The following CSTPP1 variants were observed in gnomAD, a reference collection of about 807,000 sequenced individuals.
CSTPP1 encodes the protein UPF0705 protein C11orf49.
At chr11:46,982,282 AG>A in the CSTPP1 span, among the ~76,000 whole-genome samples, 5 of 152,096 alleles carry the variant, frequency 3.3e-5, no homozygotes, top group African/African-American at 1.2e-4. Context: ...AACTCTGGCA[AG>A]GGGGGAAAAA....
At chr11:46,968,591 C>T in the CSTPP1 span, among the ~76,000 whole-genome samples, 1 of 151,276 alleles carries the variant, frequency 6.6e-6, no homozygotes, top group African/African-American at 2.4e-5. Flanking sequence ...TTGATCACCC[C>T]CCCGAACAAT....
At chr11:46,973,549 C>T in the CSTPP1 span, among the ~76,000 whole-genome samples, 1 of 152,188 alleles carries the variant, frequency 6.6e-6, no homozygotes, top group African/African-American at 2.4e-5. Context: ...AGAATCCATT[C>T]TTTACCTCAT....
chr11:47,025,769 G>C, the CSTPP1 span, among the ~76,000 whole-genome samples: 1 of 152,118 alleles, frequency 6.6e-6, no homozygotes, highest in Admixed American at 6.6e-5. Flanking sequence ...GAACCTAAAG[G>C]CTATAGCTGC....
At chr11:46,949,385 A>C in the CSTPP1 span, among the ~76,000 whole-genome samples, 2 of 152,194 alleles carry the variant, frequency 1.3e-5, no homozygotes, top group Admixed American at 6.5e-5. Context: ...GGCACGATAA[A>C]GAATAGTGAA....
chr11:46,956,575 C>T, the CSTPP1 span, among the ~76,000 whole-genome samples: 2 of 152,120 alleles, frequency 1.3e-5, no homozygotes, highest in African/African-American at 2.4e-5. Context: ...GTATTTGTCC[C>T]GTTTCAACAC....
the CSTPP1 span, chr11:47,160,925 G>A: frequency 4.7e-6 from 3 of 636,502 alleles, no homozygotes; most frequent in South Asian, 3.9e-5. Flanking sequence ...GTAGGCAGTG[G>A]GATTCAATAA....
the CSTPP1 span, among the ~76,000 whole-genome samples, chr11:47,080,884 C>T: frequency 2.0e-5 from 3 of 151,672 alleles, no homozygotes; most frequent in Non-Finnish European, 4.4e-5. Context: ...TGGTGTGTGC[C>T]TGTAGTGCTA....
the CSTPP1 span, among the ~76,000 whole-genome samples, chr11:46,951,108 G>A: frequency 7.2e-5 from 11 of 152,098 alleles, no homozygotes; most frequent in Non-Finnish European, 1.6e-4. Flanking sequence ...CACTGAGCTA[G>A]TATGTCTGGA....
At chr11:46,962,403 T>C in the CSTPP1 span, among the ~76,000 whole-genome samples, 1 of 152,172 alleles carries the variant, frequency 6.6e-6, no homozygotes, top group Non-Finnish European at 1.5e-5. Context: ...TCGAGATTGT[T>C]TTGGTTATTC....
At chr11:47,144,465 C>T in the CSTPP1 span, among the ~76,000 whole-genome samples, 824 of 152,210 alleles carry the variant, frequency 5.4e-3, 2 homozygotes, top group African/African-American at 0.019. Flanking sequence ...ACTGGGATTA[C>T]AGGCATGAGC....
chr11:47,069,683 G>T, the CSTPP1 span, among the ~76,000 whole-genome samples: 1 of 151,882 alleles, frequency 6.6e-6, no homozygotes, highest in African/African-American at 2.4e-5. Context: ...GAGTTTTATT[G>T]TTGTTGTTGT....
chr11:47,158,633 T>A, the CSTPP1 span, among the ~76,000 whole-genome samples: 2 of 152,262 alleles, frequency 1.3e-5, no homozygotes, highest in Middle Eastern at 3.4e-3. Flanking sequence ...CCTCCCGGGC[T>A]CAAGTGATGC....
At chr11:47,066,436 T>C in the CSTPP1 span, among the ~76,000 whole-genome samples, 1 of 151,494 alleles carries the variant, frequency 6.6e-6, no homozygotes, top group Non-Finnish European at 1.5e-5. Context: ...GAGTGAATGT[T>C]GGTGTGTGTG....
At chr11:47,129,942 G>C in the CSTPP1 span, among the ~76,000 whole-genome samples, 1 of 152,186 alleles carries the variant, frequency 6.6e-6, no homozygotes, top group South Asian at 2.1e-4. Context: ...CTTGGTGTCT[G>C]GCTTAGTCAT....
At chr11:46,945,583 C>T in the CSTPP1 span, among the ~76,000 whole-genome samples, 1 of 152,048 alleles carries the variant, frequency 6.6e-6, no homozygotes, top group Non-Finnish European at 1.5e-5. Flanking sequence ...CCAGTGCACT[C>T]CAGCCTGGGC....
the CSTPP1 span, among the ~76,000 whole-genome samples, chr11:47,158,197 C>T: frequency 6.6e-6 from 1 of 152,216 alleles, no homozygotes. Context: ...CTCAGAGAAC[C>T]CCAGCTCTGC....
At chr11:46,948,217 G>A in the CSTPP1 span, 833 of 451,276 alleles carry the variant, frequency 1.8e-3, 4 homozygotes, top group East Asian at 0.019. Flanking sequence ...GAGTTTGGGC[G>A]CTTGGGCTGG....
the CSTPP1 span, among the ~76,000 whole-genome samples, chr11:47,104,735 C>T: frequency 3.5e-3 from 533 of 152,270 alleles, 1 homozygote; most frequent in African/African-American, 0.012. Flanking sequence ...TGGCTCTAAT[C>T]ACAAGAAGCA....
the CSTPP1 span, among the ~76,000 whole-genome samples, chr11:47,070,134 TGAGCCCAG>T: frequency 6.6e-6 from 1 of 152,142 alleles, no homozygotes; most frequent in Admixed American, 6.6e-5. Context: ...TAATCTCACT[TGAGCCCAG>T]GAGCCCAGGA....
Sources: gnomAD v4.1 joint callset for allele counts (sites outside exome capture counted in the v4.1 genomes callset) on GRCh38, gnomAD v4.1.1 for gene constraint, MANE v1.5 for transcripts, NCBI Gene and HGNC (gene_info 2026-07-23, HGNC 2026-07-21) for gene names.